Variants in ZNF415 observed in about 807,000 individuals in gnomAD.
ZNF415 encodes zinc finger protein 415.
In ZNF415, 5 loss-of-function variants were observed where a neutral mutation model predicts 7.3. The ratio of observed to expected loss-of-function variants is 0.69; its 90% CI spans 0.36 to 1.44. The LOEUF is 1.44. Ranked by LOEUF, ZNF415 falls within the 40% of genes most tolerant of loss-of-function variation. ZNF415 has a pLI of 0.04. For synonymous variants in ZNF415, 207 were observed against 226.3 expected (o/e 0.91, Z 0.77); for missense variants, 628 against 664.8 (o/e 0.94, Z 0.61).
intron 2 of ZNF415, among the ~76,000 whole-genome samples, chr19:53,120,104 C>A (rs1034095467): frequency 8.5e-5 from 13 of 152,092 alleles, no homozygotes; most frequent in African/African-American, 3.1e-4. Context: ...CGAAATCCCT[C>A]CTGAACACAG....
chr19:53,117,939 A>C (rs1346670437), intron 2 of ZNF415, among the ~76,000 whole-genome samples: 3 of 152,190 alleles, frequency 2.0e-5, no homozygotes, highest in African/African-American at 7.2e-5. Flanking sequence ...TAATAAAGTG[A>C]CAGTAATAAG....
rs1436508347 is a variant in ZNF415 at position 53,109,748 on chromosome 19, C to A, written c.297G>T (p.Gln99His). 4 of 1,613,968 alleles carry A rather than the reference C, an allele frequency of 2.5e-6. No homozygotes were observed. The highest frequency in any genetic ancestry group is 1.7e-5 in the Admixed American group (1 of 59,974). Residue 99 changes from glutamine to histidine, a missense_variant, in exon 4 of 4, where the codon CAG becomes CAT. By Grantham distance (24) the Gln-to-His change is conservative. Coordinates refer to ENST00000243643, the MANE Select transcript of ZNF415 (RefSeq NM_018355.4). Reference sequence around the variant, plus strand: ...TGCAATTTCTTTCATCATCTCTCCACTGACAGTCAAAGTCGTGTATTTTTT... The same window carrying A: ...TGCAATTTCTTTCATCATCTCTCCAATGACAGTCAAAGTCGTGTATTTTTT... ...IKKKIHDFDC[Q>H]WRDDERNCNK...
rs181342644 is a variant in ZNF415, at chr19:53,118,200, A to G, written c.16-1767T>C. ...AATGAATTTTAAGTTAAAAACAGTA[A>G]AAGAGATGAAAAAGGTCATTATATA... On this transcript the variant is annotated intron_variant, in intron 2 of 3. Coordinates refer to ENST00000243643, the MANE Select transcript of ZNF415 (RefSeq NM_018355.4). 9.4e-4 allele frequency among the ~76,000 whole-genome samples: 143 copies of G among 152,280 alleles called. 2 individuals carry two copies. Among genetic ancestry groups the G allele is most frequent in the Admixed American group, 1.2e-3 (18 of 15,288 alleles).
chr19:53,129,577 A>T (rs1364465871), intron 1 of ZNF415: 1 of 400,590 alleles, frequency 2.5e-6, no homozygotes, highest in African/African-American at 2.1e-5. Context: ...AGTGTTGCTC[A>T]CATTGAGGTT....
At chr19:53,128,516 A>G (rs1311470168) in intron 1 of ZNF415, among the ~76,000 whole-genome samples, 4 of 124,088 alleles carry the variant, frequency 3.2e-5, no homozygotes, top group South Asian at 6.7e-4. Flanking sequence ...CCCTTCCTGA[A>G]GGGAATCCAG....
chr19:53,113,086 T>TA (rs71185833), intron 3 of ZNF415, among the ~76,000 whole-genome samples: 104,144 of 142,234 alleles, frequency 0.73, 38,732 homozygotes, highest in Admixed American at 0.8. Flanking sequence ...AACTCCATCT[T>TA]AAAAAAAAAA....
intron 3 of ZNF415, among the ~76,000 whole-genome samples, chr19:53,111,040 C>T (rs1003577318): frequency 7.2e-5 from 11 of 152,152 alleles, no homozygotes; most frequent in Non-Finnish European, 8.8e-5. Context: ...GCAGTCTCTA[C>T]GGTCTGAATA....
At chr19:53,116,488 T>A (rs12608974) in intron 2 of ZNF415, 55 bp from the exon 3 acceptor site, 210,013 of 1,606,650 alleles carry the variant, frequency 0.13, 16,458 homozygotes, top group East Asian at 0.37. Context: ...GGAGTTACCA[T>A]CTTCACACAA....
At chr19:53,115,627 A>G in intron 3 of ZNF415, 1 of 1,120,550 alleles carries the variant, frequency 8.9e-7, no homozygotes, top group Admixed American at 2.0e-5. Flanking sequence ...GTTTTCCTAC[A>G]GAACTCTCCC....
chr19:53,128,470 C>T (rs953909570), intron 1 of ZNF415, among the ~76,000 whole-genome samples: 1 of 138,808 alleles, frequency 7.2e-6, no homozygotes, highest in East Asian at 2.1e-4. Flanking sequence ...GGGAGTGCCT[C>T]CTTCATGGCC....
chr19:53,124,473 A>G (rs1367477935), intron 1 of ZNF415: 1 of 152,224 alleles, frequency 6.6e-6, no homozygotes, highest in African/African-American at 2.4e-5. Flanking sequence ...CACTCCCTAG[A>G]GAATGACATC....
intron 3 of ZNF415, 99 bp from the exon 4 acceptor site, chr19:53,110,007 A>T: frequency 1.1e-6 from 1 of 944,078 alleles, no homozygotes; most frequent in Non-Finnish European, 1.5e-6. Context: ...ACATTTATAT[A>T]CAACAGAGTT....
Position 53,128,451 on chromosome 19 carries a change from C to T in ZNF415, c.-68+4405G>A, listed in dbSNP as rs1399696681. Reference sequence around the variant, plus strand: ...CTCACAGTCCCCTGCCAAATTCCCCCGCTGTTTAGGGAGTGCCTCCTTCAT... The same window carrying T: ...CTCACAGTCCCCTGCCAAATTCCCCTGCTGTTTAGGGAGTGCCTCCTTCAT... On this transcript the variant is annotated intron_variant, in intron 1 of 3. Transcript: ENST00000243643. 1.0e-4 allele frequency among the ~76,000 whole-genome samples: 14 copies of T among 140,696 alleles called. No homozygotes were observed. The East Asian group carries it at 2.1e-3, about 21-fold the overall frequency. The allele number at this position is 140,696 out of a possible 152,430, so 92.3% of individuals were successfully genotyped here. A position where few individuals can be genotyped will look rare whatever the true frequency, so the allele number is the denominator to read the frequency against.
In ZNF415 at chr19:53,119,174, C is replaced by T. The variant is rs918364946; in HGVS notation, c.16-2741G>A. Among the ~76,000 whole-genome samples, 140 of 151,796 alleles carry T rather than the reference C, an allele frequency of 9.2e-4. 2 individuals are homozygous for T. The highest frequency in any genetic ancestry group is 3.0e-3 in the African/African-American group (125 of 41,350). On this transcript the variant is annotated intron_variant, in intron 2 of 3. Coordinates refer to ENST00000243643, the MANE Select transcript of ZNF415 (RefSeq NM_018355.4). Reference sequence around the variant, plus strand: ...GTGGGCGCCTGTAGTCCCAGCTACTCGGGAGGCTGAGGCAGGAGAATGGCA... The same window carrying T: ...GTGGGCGCCTGTAGTCCCAGCTACTTGGGAGGCTGAGGCAGGAGAATGGCA...
chr19:53,127,894 AAG>A (rs2089467503), intron 1 of ZNF415, among the ~76,000 whole-genome samples: 1 of 151,862 alleles, frequency 6.6e-6, no homozygotes. Flanking sequence ...AAAAAAGAAA[AAG>A]AAAAAGAAAA....
At chr19:53,114,053 A>T (rs1384944065) in intron 3 of ZNF415, among the ~76,000 whole-genome samples, 1 of 151,944 alleles carries the variant, frequency 6.6e-6, no homozygotes, top group Non-Finnish European at 1.5e-5. Flanking sequence ...TCCCTCATAA[A>T]TTTTCTGTTA....
chr19:53,108,942 G>A lies in ZNF415; in HGVS notation c.1103C>T (p.Thr368Ile), dbSNP rs1009264485. Residue 368 changes from threonine to isoleucine, a missense_variant, in exon 4 of 4, where the codon ACT becomes ATT. Physicochemically the swap from Thr to Ile is moderately conservative, Grantham distance 89 (BLOSUM62 -1). Coordinates refer to ENST00000243643, the MANE Select transcript of ZNF415 (RefSeq NM_018355.4). ...CNECGKVFSQTSSLATHQRIH... is the reference protein window; with the variant it reads ...CNECGKVFSQISSLATHQRIH... ...TCTCTGATGAGTTGCAAGGCTTGAA[G>A]TCTGACTGAACACCTTGCCACATTC... 6.2e-7 allele frequency: 1 copy of A among 1,614,020 alleles called. No individual in the cohort carries two copies. The highest frequency in any genetic ancestry group is 8.5e-7 in the Non-Finnish European group (1 of 1,180,004).
In ZNF415 at chr19:53,121,572, C is replaced by T. The variant is rs371067702; in HGVS notation, c.15+1090G>A. Among the ~76,000 whole-genome samples, 73 of 151,856 alleles carry T rather than the reference C, an allele frequency of 4.8e-4. 1 individual carries two copies. Among genetic ancestry groups the T allele is most frequent in the African/African-American group, 1.4e-3 (59 of 41,480 alleles). On this transcript the variant is annotated intron_variant, in intron 2 of 3. Transcript: ENST00000243643. ...CCTCCTGAGTAGTTGGGATTACAGG[C>T]GTGCGCCACCACGCCTGGCTAATTT... is the stretch of plus-strand genomic sequence containing the variant.
chr19:53,122,772 T>C (rs1465913604), intron 1 of ZNF415, 29 bp from the exon 2 acceptor site: 1 of 1,546,742 alleles, frequency 6.5e-7, no homozygotes. Flanking sequence ...TGCTGTTTAT[T>C]GCTTAGAAAC....
Sources: gnomAD v4.1 joint callset for allele counts (sites outside exome capture counted in the v4.1 genomes callset) on GRCh38, gnomAD v4.1.1 for gene constraint, MANE v1.5 for transcripts, NCBI Gene and HGNC (gene_info 2026-07-23, HGNC 2026-07-21) for gene names.